Variants in ODF2 observed in about 807,000 individuals in gnomAD.
ODF2 encodes the protein outer dense fiber protein 2.
Under a neutral mutation model 110.2 loss-of-function variants are expected in ODF2, and 47 were observed. The observed-to-expected ratio is 0.43, with a 90% CI of 0.34 to 0.54. The LOEUF is 0.54. ODF2 is among the 20% of genes least tolerant of loss of function. The pLI is 0.03. For missense variants in ODF2, 812 were observed against 1,054.5 expected (o/e 0.77, Z 3.19); for synonymous variants, 352 against 397.7 (o/e 0.89, Z 1.37).
intron 18 of ODF2, among the ~76,000 whole-genome samples, chr9:128,496,501 C>T (rs754092869): frequency 1.5e-4 from 23 of 152,212 alleles, no homozygotes; most frequent in Non-Finnish European, 3.2e-4. Flanking sequence ...CCTTTCTTGC[C>T]AGTCACCCTT....
rs115987768 is a variant in ODF2, at chr9:128,478,450, T to A, written c.844-3130T>A. On this transcript the variant is annotated intron_variant, in intron 8 of 20. Coordinates refer to ENST00000604420, the Ensembl canonical transcript of ODF2. ...CCATCTCTACTAAAATACAAAAAAATGAGCTGGCATGGCGGTACGCTCCTG... is the reference window on the plus strand; with the variant it reads ...CCATCTCTACTAAAATACAAAAAAAAGAGCTGGCATGGCGGTACGCTCCTG... Among the ~76,000 whole-genome samples, 533 of 151,902 alleles carry A rather than the reference T, an allele frequency of 3.5e-3. 4 individuals are homozygous for A. The highest frequency in any genetic ancestry group is 0.012 in the African/African-American group (512 of 41,332).
At chr9:128,492,727 T>C (rs1844841779) in exon 16 of ODF2, 4 of 1,614,078 alleles carry the variant, frequency 2.5e-6, no homozygotes, top group Non-Finnish European at 3.4e-6. Context: ...TGGAGGCTGA[T>C]GAAGTAGCTG....
intron 9 of ODF2, 46 bp downstream of exon 9, chr9:128,481,697 G>A (rs756020790): frequency 1.1e-5 from 16 of 1,500,928 alleles, no homozygotes; most frequent in Middle Eastern, 3.4e-4. Context: ...CAGGTGGCAA[G>A]AGCGTCGTTC....
chr9:128,473,046 G>A lies in ODF2; in HGVS notation c.711+4G>A, dbSNP rs770867215. The stretch of plus-strand genomic sequence containing the variant: ...TACCATCGGGAAGCTGAAAACAGTA[G>A]GTGGCAGGTGGCAGGACCCCAGCCA... On this transcript the variant is annotated splice_donor_region_variant and intron_variant, in intron 7 of 20. Coordinates refer to ENST00000604420, the Ensembl canonical transcript of ODF2. 6 of 1,613,830 alleles carry A rather than the reference G, an allele frequency of 3.7e-6. No individual in the cohort carries two copies. In the South Asian group the frequency reaches 6.6e-5, roughly 18 times the overall value.
chr9:128,498,303 A>T, intron 18 of ODF2, 110 bp from the exon 19 acceptor site: 1 of 1,384,260 alleles, frequency 7.2e-7, no homozygotes, highest in East Asian at 2.8e-5. Flanking sequence ...CTCCTTGGAG[A>T]TTCTTGGCAT....
intron 11 of ODF2, 101 bp downstream of exon 11, chr9:128,484,155 A>G (rs924040160): frequency 2.4e-6 from 2 of 843,424 alleles, no homozygotes; most frequent in Admixed American, 3.9e-5. Flanking sequence ...TGTGCCTCCA[A>G]AGGTTTCTGA....
rs527798224 is a variant in ODF2 at position 128,488,553 on chromosome 9, G to C, written c.1536+528G>C. On this transcript the variant is annotated intron_variant, in intron 14 of 20. Transcript: ENST00000604420. ...GAGGTCCTTGTGAGAATGTGGTAAC[G>C]CATGTGAAATGCTTAACATGGTGTA... Among the ~76,000 whole-genome samples the C allele has an allele frequency of 2.6e-5, 4 of 152,288 alleles. No individual in the cohort carries two copies. The South Asian group carries it at 8.3e-4, about 32-fold the overall frequency.
Position 128,488,634 on chromosome 9 carries a change from G to A in ODF2, c.1536+609G>A, listed in dbSNP as rs1843895922. ...TTGAGGTTAATGTGGGCTCTCCTGGGGGCCTGCTGGGCCCCTTCACAGGCA... is the reference window on the plus strand; with the variant it reads ...TTGAGGTTAATGTGGGCTCTCCTGGAGGCCTGCTGGGCCCCTTCACAGGCA... On this transcript the variant is annotated intron_variant, in intron 14 of 20. Transcript: ENST00000604420. Among the ~76,000 whole-genome samples, 4 of 152,132 alleles carry A rather than the reference G, an allele frequency of 2.6e-5. No individual in the cohort carries two copies. In the South Asian group the frequency reaches 6.2e-4, roughly 24 times the overall value.
intron 1 of ODF2, chr9:128,456,849 C>T (rs1304459136): frequency 7.6e-7 from 1 of 1,313,178 alleles, no homozygotes; most frequent in Admixed American, 3.7e-5. Context: ...CGCCCGGGGC[C>T]CGTGCAACCT....
intron 12 of ODF2, 97 bp downstream of exon 12, chr9:128,484,983 GTGGA>G: frequency 8.2e-7 from 1 of 1,222,206 alleles, no homozygotes; most frequent in African/African-American, 1.5e-5. Context: ...GGAGGGGTGG[GTGGA>G]TGAGGGATGG....
intron 1 of ODF2, chr9:128,456,610 G>A (rs1183455785): frequency 1.3e-6 from 2 of 1,514,394 alleles, no homozygotes. Flanking sequence ...GCCGACAGAG[G>A]CTCTCCCTCG....
chr9:128,481,783 G>T, intron 9 of ODF2, 132 bp downstream of exon 9: 1 of 633,214 alleles, frequency 1.6e-6, no homozygotes, highest in Non-Finnish European at 2.7e-6. Context: ...TTCACGATCT[G>T]TAAAATGGGC....
At chr9:128,483,020 C>T (rs868656982) in intron 10 of ODF2, 133 bp downstream of exon 10, 19 of 682,080 alleles carry the variant, frequency 2.8e-5, no homozygotes, top group Middle Eastern at 4.0e-4. Context: ...CTCAGCCTCC[C>T]GAGTAGCTGG....
exon 20 of ODF2, chr9:128,499,003 G>T: frequency 1.2e-6 from 2 of 1,613,630 alleles, no homozygotes; most frequent in Non-Finnish European, 8.5e-7. Context: ...ATGTGCAGGT[G>T]GAACAAACCA....
chr9:128,471,227 G>A, intron 5 of ODF2, 81 bp from the exon 6 acceptor site: 6 of 1,409,872 alleles, frequency 4.3e-6, no homozygotes, highest in Non-Finnish European at 5.7e-6. Flanking sequence ...GCCTTATTTT[G>A]GTCCAAAGCA....
rs546345357 is a variant in ODF2, at chr9:128,456,470, C to T, written c.-209+215C>T. On this transcript the variant is annotated intron_variant, in intron 1 of 20. Coordinates refer to ENST00000604420, the Ensembl canonical transcript of ODF2. ...CTCCCGCTAACGGGCGGTCGGCCGCCTCCTTCCTCTCTTGGCTACCACGGG... is the reference window on the plus strand; with the variant it reads ...CTCCCGCTAACGGGCGGTCGGCCGCTTCCTTCCTCTCTTGGCTACCACGGG... 148 of 1,521,068 alleles carry T rather than the reference C, an allele frequency of 9.7e-5. No homozygotes were observed. In the African/African-American group the frequency reaches 1.4e-3, roughly 14 times the overall value. 94.2% of individuals were successfully genotyped at this position (1,521,068 alleles called of 1,614,324 possible). A position where few individuals can be genotyped will look rare whatever the true frequency, so the allele number is the denominator to read the frequency against.
Position 128,496,039 on chromosome 9 carries a change from A to G in ODF2, c.1912-2A>G. On this transcript the variant is annotated splice_acceptor_variant, in intron 17 of 20. Transcript: ENST00000604420. LOFTEE classifies it high-confidence loss of function. ...AACCAGTCTGTGTTCCTGTCATTTT[A>G]GATCGAACACCAGGGGGACAAGCTG... 1 of 1,613,788 alleles carries G rather than the reference A, an allele frequency of 6.2e-7. No homozygotes were observed. The highest frequency in any genetic ancestry group is 8.5e-7 in the Non-Finnish European group (1 of 1,179,950).
chr9:128,457,162 T>A, intron 1 of ODF2: 2 of 1,441,140 alleles, frequency 1.4e-6, no homozygotes, highest in South Asian at 2.4e-5. Flanking sequence ...TGCCCCCAGG[T>A]CGCTCAGCCT....
intron 4 of ODF2, among the ~76,000 whole-genome samples, chr9:128,468,030 A>G (rs1838755630): frequency 6.6e-6 from 1 of 152,008 alleles, no homozygotes; most frequent in African/African-American, 2.4e-5. Context: ...TTTAAAAAGT[A>G]TTGTATTTTT....
Sources: gnomAD v4.1 joint callset for allele counts (sites outside exome capture counted in the v4.1 genomes callset) on GRCh38, gnomAD v4.1.1 for gene constraint, MANE v1.5 for transcripts, NCBI Gene and HGNC (gene_info 2026-07-23, HGNC 2026-07-21) for gene names.